TENM2: variants seen among roughly 807,000 people sequenced by gnomAD.
TENM2 encodes teneurin-2.
Under a neutral mutation model 245.2 loss-of-function variants are expected in TENM2, and 52 were observed. The ratio of observed to expected loss-of-function variants is 0.21; its 90% confidence interval spans 0.17 to 0.27. The LOEUF is 0.27. TENM2 is among the 10% of genes least tolerant of loss of function. TENM2 has a pLI of 1.00. For missense variants in TENM2, 3,046 were observed against 3,666.8 expected (o/e 0.83, Z 4.37); for synonymous variants, 1,363 against 1,438.9 (o/e 0.95, Z 1.19).
chr5:167,590,141 A>G (rs1344137522), intron 2 of TENM2, among the ~76,000 whole-genome samples: 1 of 151,914 alleles, frequency 6.6e-6, no homozygotes, highest in Non-Finnish European at 1.5e-5. Context: ...CAATATTTTT[A>G]GGATATAAGA....
chr5:167,015,680 CTG>C, the TENM2 span, among the ~76,000 whole-genome samples: 1 of 152,116 alleles, frequency 6.6e-6, no homozygotes, highest in South Asian at 2.1e-4. Context: ...TTCACAATGA[CTG>C]TGTTTCATGG....
chr5:167,564,712 G>C (rs1438756481), intron 2 of TENM2, among the ~76,000 whole-genome samples: 3 of 152,140 alleles, frequency 2.0e-5, no homozygotes, highest in Non-Finnish European at 2.9e-5. Context: ...TTTCATGGGG[G>C]CTGGACTCCA....
chr5:167,820,385 T>A (rs2151032874), intron 2 of TENM2, among the ~76,000 whole-genome samples: 1 of 152,296 alleles, frequency 6.6e-6, no homozygotes, highest in African/African-American at 2.4e-5. Context: ...TGCTGAGGAA[T>A]GCTGATGGAG....
chr5:167,919,694 G>C (rs928063496), intron 3 of TENM2, among the ~76,000 whole-genome samples: 2 of 152,188 alleles, frequency 1.3e-5, no homozygotes, highest in African/African-American at 2.4e-5. Flanking sequence ...GTAGATCTAG[G>C]TCTCACTTCC....
In TENM2 at chr5:167,669,571, T is replaced by C. The variant is rs75387490; in HGVS notation, c.503-206415T>C. 3.4e-5 allele frequency among the ~76,000 whole-genome samples: 5 copies of C among 146,844 alleles called. No individual in the cohort carries two copies. The South Asian group carries it at 6.4e-4, about 19-fold the overall frequency. ...CATTCACAAATATTATATATTGTGCTTTTTTTTTTCTGATATCCCCCCCTT... is the reference window on the plus strand; with the variant it reads ...CATTCACAAATATTATATATTGTGCCTTTTTTTTTCTGATATCCCCCCCTT... On this transcript the variant is annotated intron_variant, in intron 2 of 28. Coordinates refer to ENST00000518659, the Ensembl canonical transcript of TENM2.
intron 5 of TENM2, among the ~76,000 whole-genome samples, chr5:168,031,747 G>A (rs1360331862): frequency 1.4e-5 from 2 of 147,736 alleles, no homozygotes; most frequent in Non-Finnish European, 3.0e-5. Flanking sequence ...GAGTGAGGGA[G>A]GAAGGGAGGA....
At chr5:167,323,098 A>G (rs1437091532) in intron 1 of TENM2, among the ~76,000 whole-genome samples, 1 of 152,220 alleles carries the variant, frequency 6.6e-6, no homozygotes, top group East Asian at 1.9e-4. Context: ...CTCACATCAT[A>G]AAATGTCTTT....
chr5:168,065,354 G>A (rs1300412444), intron 7 of TENM2, among the ~76,000 whole-genome samples: 1 of 152,156 alleles, frequency 6.6e-6, no homozygotes, highest in Non-Finnish European at 1.5e-5. Flanking sequence ...AGGAGAAAAT[G>A]TCCAGAATGT....
chr5:167,771,889 A>G (rs894934037), intron 2 of TENM2, among the ~76,000 whole-genome samples: 11 of 152,166 alleles, frequency 7.2e-5, no homozygotes, highest in African/African-American at 2.7e-4. Context: ...AGACCCTCTA[A>G]CCTAGCGCCA....
intron 12 of TENM2, among the ~76,000 whole-genome samples, chr5:168,150,084 A>T (rs1033971433): frequency 2.0e-5 from 3 of 152,170 alleles, no homozygotes; most frequent in African/African-American, 7.2e-5. Context: ...AGTGATTACC[A>T]TCTGACATAC....
intron 2 of TENM2, among the ~76,000 whole-genome samples, chr5:167,523,989 G>A (rs991079029): frequency 6.6e-6 from 1 of 152,078 alleles, no homozygotes; most frequent in Non-Finnish European, 1.5e-5. Context: ...GGAGATAATG[G>A]TACCCCAGGT....
the TENM2 span, among the ~76,000 whole-genome samples, chr5:167,276,088 A>T: frequency 6.6e-6 from 1 of 151,910 alleles, no homozygotes; most frequent in Non-Finnish European, 1.5e-5. Flanking sequence ...TATATTACTG[A>T]TTTTTTATTT....
intron 2 of TENM2, among the ~76,000 whole-genome samples, chr5:167,551,097 G>A (rs1054992305): frequency 6.6e-6 from 1 of 152,134 alleles, no homozygotes; most frequent in African/African-American, 2.4e-5. Context: ...TGTCATTATG[G>A]TGATGAGAGA....
At chr5:167,612,008 C>G (rs1777507435) in intron 2 of TENM2, among the ~76,000 whole-genome samples, 1 of 152,126 alleles carries the variant, frequency 6.6e-6, no homozygotes. Flanking sequence ...ATATTTGACT[C>G]CTTTGATCCG....
At chr5:167,907,154 C>T (rs746075926) in intron 3 of TENM2, among the ~76,000 whole-genome samples, 38 of 152,192 alleles carry the variant, frequency 2.5e-4, no homozygotes, top group Non-Finnish European at 5.4e-4. Flanking sequence ...ATCACTTGAA[C>T]TCAGGAGGCG....
intron 1 of TENM2, among the ~76,000 whole-genome samples, chr5:167,316,755 G>T (rs1054841604): frequency 6.6e-6 from 1 of 152,114 alleles, no homozygotes; most frequent in African/African-American, 2.4e-5. Flanking sequence ...TCTTTTTAAA[G>T]CTTGTGAAGA....
chr5:167,580,834 C>A (rs1775038982), intron 2 of TENM2, among the ~76,000 whole-genome samples: 1 of 152,136 alleles, frequency 6.6e-6, no homozygotes, highest in East Asian at 1.9e-4. Context: ...ACAACAAATA[C>A]AAAAATTAGC....
the TENM2 span, among the ~76,000 whole-genome samples, chr5:167,250,218 G>A: frequency 6.6e-6 from 1 of 152,092 alleles, no homozygotes; most frequent in Non-Finnish European, 1.5e-5. Flanking sequence ...CTACTCAGGA[G>A]GCTGAGTGGG....
chr5:167,861,302 G>A (rs528630209), intron 2 of TENM2, among the ~76,000 whole-genome samples: 1 of 152,278 alleles, frequency 6.6e-6, no homozygotes, highest in East Asian at 1.9e-4. Context: ...CCTAGTGCAC[G>A]ATAATGTTTC....
Sources: gnomAD v4.1 joint callset for allele counts (sites outside exome capture counted in the v4.1 genomes callset) on GRCh38, gnomAD v4.1.1 for gene constraint, MANE v1.5 for transcripts, NCBI Gene and HGNC (gene_info 2026-07-23, HGNC 2026-07-21) for gene names.